The following TOX variants were observed in gnomAD, a reference collection of about 807,000 sequenced individuals.
TOX encodes the protein thymocyte selection associated high mobility group box.
In TOX, 11 loss-of-function variants were observed where a neutral mutation model predicts 53.7. The ratio of observed to expected loss-of-function variants is 0.20; its 90% CI spans 0.13 to 0.34. The LOEUF (loss-of-function observed/expected upper bound fraction) is 0.34, where lower values mean the gene tolerates loss of function less well. TOX is among the 10% of genes least tolerant of loss of function. The probability of loss-of-function intolerance (pLI) is 1.00; values close to 1 mark genes in which losing one functional copy is unlikely to be tolerated. For synonymous variants in TOX, 225 were observed against 245.3 expected (o/e 0.92, Z 0.77); for missense variants, 570 against 664.6 (o/e 0.86, Z 1.56).
chr8:58,852,861 T>C (rs1199589197), intron 3 of TOX, among the ~76,000 whole-genome samples: 1 of 152,194 alleles, frequency 6.6e-6, no homozygotes, highest in African/African-American at 2.4e-5. Flanking sequence ...CCTTATTCTG[T>C]TTCATTAGAA....
intron 1 of TOX, among the ~76,000 whole-genome samples, chr8:59,016,576 A>G (rs1360471222): frequency 2.0e-5 from 3 of 152,240 alleles, no homozygotes; most frequent in Non-Finnish European, 4.4e-5. Context: ...AATAAATATT[A>G]CCATGTAAAA....
chr8:58,881,532 C>T (rs35175352), intron 3 of TOX, among the ~76,000 whole-genome samples: 10,848 of 151,872 alleles, frequency 0.071, 1,018 homozygotes, highest in African/African-American at 0.22. Flanking sequence ...CAAAGCCAGC[C>T]TGGGCAACAT....
intron 4 of TOX, among the ~76,000 whole-genome samples, chr8:58,843,370 A>C (rs1322719583): frequency 6.6e-6 from 1 of 152,204 alleles, no homozygotes; most frequent in African/African-American, 2.4e-5. Context: ...TAATATTCTG[A>C]ACATTTATAA....
At chr8:58,821,220 T>C (rs1322320340) in intron 6 of TOX, among the ~76,000 whole-genome samples, 2 of 152,142 alleles carry the variant, frequency 1.3e-5, no homozygotes, top group African/African-American at 4.8e-5. Context: ...AATTTCCTTA[T>C]ATCAAAGTAG....
At chr8:58,935,211 C>G (rs565550050) in intron 3 of TOX, among the ~76,000 whole-genome samples, 1 of 152,100 alleles carries the variant, frequency 6.6e-6, no homozygotes, top group Non-Finnish European at 1.5e-5. Flanking sequence ...TCTATAATAT[C>G]TCATAATTCA....
intron 1 of TOX, among the ~76,000 whole-genome samples, chr8:59,073,309 A>G (rs1362876067): frequency 6.6e-6 from 1 of 152,212 alleles, no homozygotes; most frequent in Non-Finnish European, 1.5e-5. Flanking sequence ...CAGATTCCAT[A>G]ACCATTGTAA....
At chr8:58,860,515 A>G (rs1041909810) in intron 3 of TOX, among the ~76,000 whole-genome samples, 1 of 152,182 alleles carries the variant, frequency 6.6e-6, no homozygotes, top group African/African-American at 2.4e-5. Flanking sequence ...CTACGAATGC[A>G]TTTTGTCACA....
chr8:59,008,118 CA>C (rs1373455567), intron 1 of TOX, among the ~76,000 whole-genome samples: 2 of 152,158 alleles, frequency 1.3e-5, no homozygotes, highest in African/African-American at 2.4e-5. Context: ...TTTCTTTCAT[CA>C]AATGAAAACA....
At chr8:58,953,641 A>G (rs1812661754) in intron 2 of TOX, among the ~76,000 whole-genome samples, 1 of 152,212 alleles carries the variant, frequency 6.6e-6, no homozygotes, top group African/African-American at 2.4e-5. Flanking sequence ...TTGAGTAACT[A>G]GTCTGGGCTT....
rs1018187350 is a variant in TOX at position 59,118,741 on chromosome 8, G to A, written c.102+145C>T. 168 of 449,150 alleles carry A rather than the reference G, an allele frequency of 3.7e-4. No homozygotes were observed. The highest frequency in any genetic ancestry group is 2.4e-3 in the Middle Eastern group (4 of 1,642). The allele number at this position is 449,150 out of a possible 1,614,324, so 27.8% of individuals were successfully genotyped here. ...CTACTCCACAATATTTACTACCCAA[G>A]CGCACGCAGGCTGCAGCGGGCTGCG... On this transcript the variant is annotated intron_variant, in intron 1 of 8. Transcript: ENST00000361421. This position sits in a 1 kb window ranked among gnomAD's most constrained non-coding sequence, Gnocchi z 4.1.
intron 7 of TOX, 127 bp downstream of exon 7, chr8:58,815,211 T>C: frequency 7.8e-7 from 1 of 1,288,590 alleles, no homozygotes; most frequent in Non-Finnish European, 1.0e-6. Flanking sequence ...TAGTGCTCTC[T>C]TGACTTAAAT....
At chr8:58,947,561 G>A (rs1292928049) in intron 2 of TOX, among the ~76,000 whole-genome samples, 1 of 151,938 alleles carries the variant, frequency 6.6e-6, no homozygotes. Context: ...TTCTTATGGC[G>A]ATATGGTTAT....
intron 3 of TOX, among the ~76,000 whole-genome samples, chr8:58,918,861 A>G (rs1812023586): frequency 6.6e-6 from 1 of 150,400 alleles, no homozygotes. Context: ...GCAAAGTCTC[A>G]GGATACAAAA....
intron 5 of TOX, 124 bp from the exon 6 acceptor site, chr8:58,827,026 A>G (rs1810377403): frequency 2.0e-6 from 1 of 504,972 alleles, no homozygotes; most frequent in East Asian, 3.9e-5. Context: ...AATAATATAT[A>G]TCTCCCCAAA....
chr8:58,908,879 T>C (rs1387102306), intron 3 of TOX, among the ~76,000 whole-genome samples: 1 of 152,244 alleles, frequency 6.6e-6, no homozygotes, highest in African/African-American at 2.4e-5. Context: ...CATGGTCAGC[T>C]CTACTTTATA....
At chr8:58,972,302 C>T (rs1214822776) in intron 1 of TOX, among the ~76,000 whole-genome samples, 3 of 152,170 alleles carry the variant, frequency 2.0e-5, no homozygotes, top group Admixed American at 6.5e-5. Context: ...GTATTAAAAA[C>T]TACCACACAA....
At chr8:59,052,896 C>T (rs1051297710) in intron 1 of TOX, among the ~76,000 whole-genome samples, 2 of 151,988 alleles carry the variant, frequency 1.3e-5, no homozygotes, top group African/African-American at 4.8e-5. Flanking sequence ...GCCCTACTTT[C>T]GTATCACATA....
At chr8:58,881,655 C>T (rs548879657) in intron 3 of TOX, among the ~76,000 whole-genome samples, 4 of 125,168 alleles carry the variant, frequency 3.2e-5, no homozygotes, top group Admixed American at 2.9e-4. Flanking sequence ...ACTTGGGAGG[C>T]GGAGGTTGCA....
intron 2 of TOX, among the ~76,000 whole-genome samples, chr8:58,941,467 T>C (rs1428450915): frequency 3.3e-5 from 5 of 152,210 alleles, no homozygotes; most frequent in Non-Finnish European, 7.3e-5. Flanking sequence ...GGGATAAATA[T>C]ATCATAAAAG....
Sources: allele counts gnomAD v4.1 joint callset (sites outside exome capture counted in the v4.1 genomes callset), GRCh38; gene constraint gnomAD v4.1.1; non-coding constraint Gnocchi (gnomAD v3.1); transcripts MANE v1.5; gene names NCBI Gene and HGNC (gene_info 2026-07-23, HGNC 2026-07-21).